The following DAPK1 variants were observed in gnomAD, a reference collection of about 807,000 sequenced individuals.
DAPK1 encodes death associated protein kinase 1, also known as death-associated protein kinase 1.
Under a neutral mutation model 144.9 loss-of-function variants are expected in DAPK1, and 56 were observed. That is an observed-to-expected ratio of 0.39 (90% CI 0.31 to 0.48). The LOEUF (loss-of-function observed/expected upper bound fraction) is 0.48, where lower values mean the gene tolerates loss of function less well. DAPK1 is among the 20% of genes least tolerant of loss of function. DAPK1 has a pLI of 0.95. For synonymous variants in DAPK1, 690 were observed against 749.0 expected, an observed-to-expected ratio of 0.92 and a Z score of 1.29; for missense variants, 1,454 against 1,875.4, an observed-to-expected ratio of 0.78 and a Z score of 4.15.
At chr9:87,705,659 G>A (rs1825611107) in intron 25 of DAPK1, among the ~76,000 whole-genome samples, 1 of 152,174 alleles carries the variant, frequency 6.6e-6, no homozygotes, top group African/African-American at 2.4e-5. Flanking sequence ...CTCCTAAGGA[G>A]AAGGATATTT....
chr9:87,640,235 G>T, intron 7 of DAPK1, 63 bp from the exon 8 acceptor site: 1 of 1,491,038 alleles, frequency 6.7e-7, no homozygotes, highest in South Asian at 1.3e-5. Flanking sequence ...GATGTTATAG[G>T]AGCAAAATGA....
Position 87,707,973 on chromosome 9 carries a change from C to T in DAPK1, c.*609C>T, listed in dbSNP as rs3118864. 2.2e-3 allele frequency: 952 copies of T among 434,758 alleles called. 3 individuals carry two copies. The highest frequency in any genetic ancestry group is 3.7e-3 in the Non-Finnish European group (810 of 217,966). 26.9% of individuals were successfully genotyped at this position (434,758 alleles called of 1,614,324 possible). On this transcript the variant is annotated 3_prime_UTR_variant, in exon 26 of 26. Coordinates refer to ENST00000408954, the MANE Select transcript of DAPK1 (RefSeq NM_004938.4). The surrounding 1 kb of genome is among the most constrained non-coding windows in gnomAD (Gnocchi z 4.0). The stretch of plus-strand genomic sequence containing the variant: ...CACCAAGGAAACGCTACCTCTCTGT[C>T]CCTTGCTGTATGCTGATCATCGCCA...
intron 18 of DAPK1, 119 bp downstream of exon 18, chr9:87,658,246 C>T: frequency 1.6e-6 from 1 of 609,304 alleles, no homozygotes; most frequent in Middle Eastern, 3.1e-4. Context: ...GGCTGCTGTT[C>T]AGCCATAGCT....
chr9:87,586,378 A>G (rs541278270), intron 2 of DAPK1, among the ~76,000 whole-genome samples: 16 of 152,200 alleles, frequency 1.1e-4, no homozygotes. Context: ...GTCTCAAAGT[A>G]AGTCATTGTT....
At chr9:87,510,024 G>T (rs1359929723) in intron 2 of DAPK1, among the ~76,000 whole-genome samples, 1 of 152,162 alleles carries the variant, frequency 6.6e-6, no homozygotes, top group African/African-American at 2.4e-5. Context: ...AATCGATAAG[G>T]GTGTGCCCCA....
intron 3 of DAPK1, among the ~76,000 whole-genome samples, chr9:87,633,754 A>G (rs1354409867): frequency 6.6e-6 from 1 of 152,220 alleles, no homozygotes; most frequent in Non-Finnish European, 1.5e-5. Flanking sequence ...GGCTGAGCCT[A>G]GTAAACAAGC....
Position 87,646,473 on chromosome 9 carries a change from C to G in DAPK1, c.1144C>G (p.Pro382Ala). Residue 382 changes from proline to alanine, a missense_variant, in exon 13 of 26, where the codon CCA becomes GCA. By Grantham distance (27) the Pro-to-Ala change is conservative. Coordinates refer to ENST00000408954, the MANE Select transcript of DAPK1 (RefSeq NM_004938.4). Reference protein sequence around the residue: ...VNQPNKHGTPPLLIAAGCGNI... With the variant: ...VNQPNKHGTPALLIAAGCGNI... ...TTGCCTATTCTAGCACGGGACACCTCCATTACTCATTGCTGCTGGCTGTGG... is the reference window on the plus strand; with the variant it reads ...TTGCCTATTCTAGCACGGGACACCTGCATTACTCATTGCTGCTGGCTGTGG... 1.2e-6 allele frequency: 2 copies of G among 1,613,562 alleles called. No individual in the cohort carries two copies. The highest frequency in any genetic ancestry group is 1.7e-6 in the Non-Finnish European group (2 of 1,179,512).
chr9:87,637,064 CA>C (rs1334709742), intron 3 of DAPK1, among the ~76,000 whole-genome samples: 1 of 152,096 alleles, frequency 6.6e-6, no homozygotes, highest in Admixed American at 6.6e-5. Flanking sequence ...CCGCAACCAA[CA>C]ACATACATTT....
At chr9:87,658,946 G>GC (rs1426130954) in intron 18 of DAPK1, among the ~76,000 whole-genome samples, 1 of 152,200 alleles carries the variant, frequency 6.6e-6, no homozygotes, top group Non-Finnish European at 1.5e-5. Flanking sequence ...GCAAACCATG[G>GC]CCCACGGGCC....
chr9:87,523,401 A>T (rs11141861), intron 2 of DAPK1, among the ~76,000 whole-genome samples: 47,455 of 151,936 alleles, frequency 0.31, 7,877 homozygotes, highest in Middle Eastern at 0.42. Flanking sequence ...GGCTTAAAAG[A>T]TCTTTCCACC....
At chr9:87,553,393 T>G (rs142449577) in intron 2 of DAPK1, 1 of 152,286 alleles carries the variant, frequency 6.6e-6, no homozygotes, top group African/African-American at 2.4e-5. Flanking sequence ...TCTCCGCTCC[T>G]TAAGGACATG....
chr9:87,647,700 C>T lies in DAPK1; in HGVS notation c.1329+297C>T, dbSNP rs138906941. Among the ~76,000 whole-genome samples, 9 of 152,288 alleles carry T rather than the reference C, an allele frequency of 5.9e-5. No homozygotes were observed. The East Asian group carries it at 1.7e-3, about 29-fold the overall frequency. On this transcript the variant is annotated intron_variant, in intron 14 of 25. Coordinates refer to ENST00000408954, the MANE Select transcript of DAPK1 (RefSeq NM_004938.4). ...GACAACCAGAGAGAGACCTCGGTCT[C>T]GATTCGATTTTCTTCCTGACTCAAC...
intron 3 of DAPK1, among the ~76,000 whole-genome samples, chr9:87,626,550 C>A (rs1373094105): frequency 1.3e-5 from 2 of 152,188 alleles, no homozygotes; most frequent in Non-Finnish European, 2.9e-5. Flanking sequence ...CCGAGCATCA[C>A]CTTGACCCAG....
Position 87,656,032 on chromosome 9 carries a change from A to G in DAPK1, c.1825-1997A>G, listed in dbSNP as rs144249499. Among the ~76,000 whole-genome samples, 275 of 152,336 alleles carry G rather than the reference A, an allele frequency of 1.8e-3. 1 individual carries two copies. Among genetic ancestry groups the G allele is most frequent in the African/African-American group, 6.3e-3 (264 of 41,580 alleles). On this transcript the variant is annotated intron_variant, in intron 17 of 25. Transcript: ENST00000408954. Reference sequence around the variant, plus strand: ...AGATGTAGCAGCATCTCATGTTGTCATTGCTGCTGTGATGGGCATAAGGTG... The same window carrying G: ...AGATGTAGCAGCATCTCATGTTGTCGTTGCTGCTGTGATGGGCATAAGGTG...
chr9:87,569,012 AT>A (rs1365713568), intron 2 of DAPK1, among the ~76,000 whole-genome samples: 1 of 152,110 alleles, frequency 6.6e-6, no homozygotes, highest in Non-Finnish European at 1.5e-5. Context: ...GGCGAGGCAG[AT>A]TCTCTTGATA....
intron 2 of DAPK1, among the ~76,000 whole-genome samples, chr9:87,601,838 A>G (rs372969879): frequency 5.3e-5 from 8 of 152,172 alleles, no homozygotes; most frequent in Non-Finnish European, 1.2e-4. Flanking sequence ...CCGTTACACA[A>G]TTCTGTTGAA....
chr9:87,562,742 G>T (rs1826976220), intron 2 of DAPK1, among the ~76,000 whole-genome samples: 1 of 152,172 alleles, frequency 6.6e-6, no homozygotes, highest in South Asian at 2.1e-4. Context: ...TGTCCAGAAG[G>T]AAATAAATAA....
rs565011292 is a variant in DAPK1, at chr9:87,528,414, C to T, written c.62+29275C>T. Among the ~76,000 whole-genome samples the T allele has an allele frequency of 4.6e-5, 7 of 152,104 alleles. No individual in the cohort carries two copies. The South Asian group carries it at 8.3e-4, about 18-fold the overall frequency. On this transcript the variant is annotated intron_variant, in intron 2 of 25. Coordinates refer to ENST00000408954, the MANE Select transcript of DAPK1 (RefSeq NM_004938.4). ...TGTATTTTTAGTAGAGATGGGGTTT[C>T]GCCACGTTGGCCAGGCTGGTCTCGA...
At chr9:87,527,571 C>G (rs1825558910) in intron 2 of DAPK1, among the ~76,000 whole-genome samples, 1 of 152,234 alleles carries the variant, frequency 6.6e-6, no homozygotes, top group Non-Finnish European at 1.5e-5. Context: ...TAGATGCTCT[C>G]TGCATCTAGG....
Sources: gnomAD v4.1 joint callset for allele counts (sites outside exome capture counted in the v4.1 genomes callset) on GRCh38, gnomAD v4.1.1 for gene constraint, Gnocchi (gnomAD v3.1) non-coding constraint, MANE v1.5 for transcripts, NCBI Gene and HGNC (gene_info 2026-07-23, HGNC 2026-07-21) for gene names.